DDX51: variants seen among roughly 807,000 people sequenced by gnomAD.
DDX51 encodes the protein DEAD-box helicase 51.
A neutral mutation model predicts 74.6 loss-of-function variants in DDX51; 67 were observed. The ratio of observed to expected loss-of-function variants is 0.90; its 90% confidence interval spans 0.74 to 1.10. The LOEUF (loss-of-function observed/expected upper bound fraction) is 1.10. DDX51 is among the 50% of genes least tolerant of loss of function. The pLI, the probability that DDX51 is intolerant of heterozygous loss-of-function variation, is 0.00. For synonymous variants in DDX51, 545 were observed against 402.9 expected (o/e 1.35, Z -4.22); for missense variants, 1,056 against 905.2 (o/e 1.17, Z -2.14).
rs371775722 is a variant in DDX51, at chr12:132,141,412, G to A, written c.1113C>T (p.Asp371=). The change falls in exon 8 of 15, where the codon GAC becomes GAT. Residue 371 remains aspartate (D), a synonymous_variant. Transcript: ENST00000397333. ...SLQQLRFLII[D]EADRMIDSMH... ...TGCTGTCAATCATCCGGTCAGCCTC[G>A]TCGATAATCTGCAGGAGACAGGGAG... 8.6e-5 allele frequency: 137 copies of A among 1,593,678 alleles called. No homozygotes were observed. Among genetic ancestry groups the A allele is most frequent in the Non-Finnish European group, 8.2e-5 (96 of 1,176,458 alleles).
rs1466159293 is a variant in DDX51 at position 132,139,315 on chromosome 12, A to G, written c.1975-17T>C. 4 of 1,606,268 alleles carry G rather than the reference A, an allele frequency of 2.5e-6. No individual in the cohort carries two copies. ...GCGCTCTTCCTGTGGAGGAAAGGGGAGGGCTCAGCACCACACACTCTGTCC... is the reference window on the plus strand; with the variant it reads ...GCGCTCTTCCTGTGGAGGAAAGGGGGGGGCTCAGCACCACACACTCTGTCC... On this transcript the variant is annotated splice_polypyrimidine_tract_variant and intron_variant, in intron 14 of 14. Transcript: ENST00000397333.
Position 132,142,136 on chromosome 12 carries a change from T to C in DDX51, c.871A>G (p.Lys291Glu). 2 of 1,545,510 alleles carry C rather than the reference T, an allele frequency of 1.3e-6. No individual in the cohort carries two copies. Among genetic ancestry groups the C allele is most frequent in the Non-Finnish European group, 1.7e-6 (2 of 1,145,854 alleles). The change falls in exon 5 of 15, where the codon AAG (lysine) becomes GAG (glutamate). Residue 291 changes from lysine to glutamate, a missense_variant. Transcript: ENST00000397333. ...HIRALVVLPT[K>E]ELAQQVSKVF... Reference sequence around the variant, plus strand: ...CCACATACCTGCTGGGCCAGCTCCTTGGTGGGCAGCACAACCAGGGCACGG... The same window carrying C: ...CCACATACCTGCTGGGCCAGCTCCTCGGTGGGCAGCACAACCAGGGCACGG...
At chr12:132,143,527 C>A in intron 2 of DDX51, 168 bp downstream of exon 2, 1 of 860,004 alleles carries the variant, frequency 1.2e-6, no homozygotes, top group Non-Finnish European at 1.7e-6. Flanking sequence ...GAGCTCTGCA[C>A]GTGCAGGATC....
chr12:132,143,868 T>C lies in DDX51; in HGVS notation c.346A>G (p.Ser116Gly). 6.5e-7 allele frequency: 1 copy of C among 1,530,036 alleles called. No homozygotes were observed. Among genetic ancestry groups the C allele is most frequent in the Non-Finnish European group, 8.7e-7 (1 of 1,146,354 alleles). 94.8% of individuals were successfully genotyped at this position (1,530,036 alleles called of 1,614,324 possible). A position where few individuals can be genotyped will look rare whatever the true frequency, so the allele number is the denominator to read the frequency against. The change falls in exon 2 of 15, where the codon AGC becomes GGC. Residue 116 changes from serine (S) to glycine (G), a missense_variant. By Grantham distance (56) the Ser-to-Gly change is moderately conservative. Transcript: ENST00000397333. ...CTGGGCTCCCCTGGCGCCTCCTCGC[T>C]GCTCCCTGCGCTGGGCTCCCCTGGC... The part of the protein sequence containing the change: ...EAPGEPSAGS[S>G]EEAPGEPSAG...
intron 3 of DDX51, 65 bp from the exon 4 acceptor site, chr12:132,142,487 C>T: frequency 6.4e-7 from 1 of 1,571,602 alleles, no homozygotes; most frequent in African/African-American, 1.3e-5. Flanking sequence ...CGCTTCCCTG[C>T]CTGTGACCTC....
At chr12:132,142,910 G>A (rs1248381683) in intron 2 of DDX51, 32 bp from the exon 3 acceptor site, 3 of 1,610,790 alleles carry the variant, frequency 1.9e-6, no homozygotes, top group Admixed American at 1.7e-5. Context: ...GGCCAGGTGA[G>A]CGCTTTCCAG....
At position 132,139,228 on chromosome 12, in the gene DDX51, C is replaced by T. The variant is rs1481954083; in HGVS notation, c.*44G>A. 1.3e-6 allele frequency: 2 copies of T among 1,599,756 alleles called. No homozygotes were observed. Among genetic ancestry groups the T allele is most frequent in the Non-Finnish European group, 1.7e-6 (2 of 1,175,580 alleles). Reference sequence around the variant, plus strand: ...ATCAGCACTGCTCTGGAAGGAGGGTCAGGGTGGTGAGCGTTCAGTCCCTCC... The same window carrying T: ...ATCAGCACTGCTCTGGAAGGAGGGTTAGGGTGGTGAGCGTTCAGTCCCTCC... On this transcript the variant is annotated 3_prime_UTR_variant, in exon 15 of 15. Coordinates refer to ENST00000397333, the MANE Select transcript of DDX51 (RefSeq NM_175066.4).
At position 132,139,940 on chromosome 12, in the gene DDX51, G is replaced by A. The variant is rs904028777; in HGVS notation, c.1776-16C>T. The A allele has an allele frequency of 1.2e-6, 2 of 1,612,834 alleles. No homozygotes were observed. The highest frequency in any genetic ancestry group is 1.7e-6 in the Non-Finnish European group (2 of 1,179,914). ...CCTCCCAACCCTGGAATCAAACGCA[G>A]CTATCTCCAGACTGGCCCCTGAGCC... On this transcript the variant is annotated splice_polypyrimidine_tract_variant and intron_variant, in intron 12 of 14. Coordinates refer to ENST00000397333, the MANE Select transcript of DDX51 (RefSeq NM_175066.4).
intron 6 of DDX51, 94 bp downstream of exon 6, chr12:132,141,756 G>T: frequency 6.7e-7 from 1 of 1,493,698 alleles, no homozygotes; most frequent in Non-Finnish European, 9.2e-7. Flanking sequence ...GGTGGTTAAA[G>T]ATGGTGGCCC....
At position 132,142,206 on chromosome 12, in the gene DDX51, C is replaced by T. The variant is rs369197788; in HGVS notation, c.817-16G>A. ...AAAGCAGGGCCTGAGGGGGAAGGAG[C>T]GCCTGCGTCAGCAAGGCTGTTACCT... On this transcript the variant is annotated splice_polypyrimidine_tract_variant and intron_variant, in intron 4 of 14. Transcript: ENST00000397333. 1.8e-5 allele frequency: 28 copies of T among 1,576,384 alleles called. No homozygotes were observed. The highest frequency in any genetic ancestry group is 1.5e-4 in the African/African-American group (11 of 73,952).
chr12:132,141,990 G>A (rs1593421145), intron 5 of DDX51, 34 bp from the exon 6 acceptor site: 1 of 1,609,888 alleles, frequency 6.2e-7, no homozygotes, highest in Non-Finnish European at 8.5e-7. Flanking sequence ...CCTGGAGGTA[G>A]CTGGTGTCCA....
intron 8 of DDX51, 127 bp downstream of exon 8, chr12:132,141,148 T>A: frequency 1.3e-6 from 2 of 1,495,692 alleles, no homozygotes; most frequent in Non-Finnish European, 1.8e-6. Flanking sequence ...CCAGCTCACG[T>A]GACAGTACGA....
chr12:132,141,779 C>T (rs990286020), intron 6 of DDX51, 71 bp downstream of exon 6: 68 of 1,552,536 alleles, frequency 4.4e-5, no homozygotes, highest in Non-Finnish European at 5.7e-5. Context: ...CCTCTGCTCC[C>T]ACGGTGCCTC....
rs774067276 is a variant in DDX51 at position 132,141,906 on chromosome 12, G to C, written c.939C>G (p.Ser313=). 2 of 1,613,222 alleles carry C rather than the reference G, an allele frequency of 1.2e-6. No homozygotes were observed. The highest frequency in any genetic ancestry group is 1.1e-5 in the South Asian group (1 of 91,092). Residue 313 remains serine, a synonymous_variant, in exon 6 of 15, where the codon TCC becomes TCG. Transcript: ENST00000397333. ...IYTDATPLRV[S]LVTGQKSLAK... ...CCAGAGACTTCTGTCCCGTAACCAG[G>C]GAGACTCTCAGAGGTGTGGCATCTG...
rs773185901 is a variant in DDX51, at chr12:132,142,368, A to G, written c.725T>C (p.Val242Ala). ...GCTAGGCCGGTAGCCACCTCTGCCC[A>G]CCAGAAACCCACAGGCTGCGCTCTC... Reference protein sequence around the residue: ...LLESAACGFLVGRGGYRPSDL... With the variant: ...LLESAACGFLAGRGGYRPSDL... Residue 242 changes from valine (V) to alanine (A), a missense_variant, in exon 4 of 15, where the codon GTG becomes GCG. Val to Ala is a moderately conservative substitution (Grantham distance 64). Transcript: ENST00000397333. 1.2e-6 allele frequency: 2 copies of G among 1,612,950 alleles called. No homozygotes were observed. Among genetic ancestry groups the G allele is most frequent in the Admixed American group, 3.3e-5 (2 of 60,018 alleles).
Position 132,144,279 on chromosome 12 carries a change from G to A in DDX51, c.18C>T (p.Val6=), listed in dbSNP as rs144500790. 2.4e-6 allele frequency: 3 copies of A among 1,256,270 alleles called. No individual in the cohort carries two copies. Among genetic ancestry groups the A allele is most frequent in the Non-Finnish European group, 2.0e-6 (2 of 1,001,202 alleles). 77.8% of individuals were successfully genotyped at this position (1,256,270 alleles called of 1,614,324 possible). A position where few individuals can be genotyped will look rare whatever the true frequency, so the allele number is the denominator to read the frequency against. ...CCGCATCGGGGCCCGGGTACCGCGC[G>A]ACGTAGAACAGCGCCATGGCCAGCC... is the stretch of plus-strand genomic sequence containing the variant. MALFY[V]ARYPGPDAAA... is the part of the protein sequence containing the mutation. Residue 6 remains valine, a synonymous_variant, in exon 1 of 15, where the codon GTC becomes GTT. Transcript: ENST00000397333.
In DDX51 at chr12:132,141,352, GGCC is replaced by G. The variant is rs767462106; in HGVS notation, c.1170_1172del (p.Ala392del). 5 of 1,598,454 alleles carry G rather than the reference GGCC, an allele frequency of 3.1e-6. No homozygotes were observed. The African/African-American group carries it at 6.7e-5, about 21-fold the overall frequency. Reference sequence around the variant, plus strand: ...CCGCGGGGTCCTCGCTCTGGAAGGCGGCCGCCACCACCCGCGGCAGCCAGGACT... The same window carrying G: ...CCGCGGGGTCCTCGCTCTGGAAGGCGGCCACCACCCGCGGCAGCCAGGACT... On this transcript the variant is annotated inframe_deletion, in exon 8 of 15. Transcript: ENST00000397333.
rs1897317818 is a variant in DDX51 at position 132,138,071 on chromosome 12, A to G, written c.*1201T>C. The G allele has an allele frequency of 6.6e-6, 1 of 152,160 alleles. No homozygotes were observed. The highest frequency in any genetic ancestry group is 2.1e-4 in the South Asian group (1 of 4,826). The allele number at this position is 152,160 out of a possible 1,614,324, so 9.4% of individuals were successfully genotyped here. On this transcript the variant is annotated 3_prime_UTR_variant, in exon 15 of 15. Coordinates refer to ENST00000397333, the MANE Select transcript of DDX51 (RefSeq NM_175066.4). Reference sequence around the variant, plus strand: ...CGTTTTATTCTCCATTCATCAGCTGACGGACATGTGGTTTCTAGTTTTTGG... The same window carrying G: ...CGTTTTATTCTCCATTCATCAGCTGGCGGACATGTGGTTTCTAGTTTTTGG...
Position 132,139,879 on chromosome 12 carries a change from T to G in DDX51, c.1821A>C (p.Thr607=). 2 of 1,613,158 alleles carry G rather than the reference T, an allele frequency of 1.2e-6. No homozygotes were observed. Among genetic ancestry groups the G allele is most frequent in the Non-Finnish European group, 1.7e-6 (2 of 1,179,992 alleles). Reference sequence around the variant, plus strand: ...GCCTCACCTGCACTTTCAGGAGCAGTGTGAAGGCCTGTCCAGTTTTCCCAG... The same window carrying G: ...GCCTCACCTGCACTTTCAGGAGCAGGGTGAAGGCCTGTCCAGTTTTCCCAG... The part of the protein sequence containing the change: ...ARAGKTGQAF[T]LLLKVQERRF... The change falls in exon 13 of 15, where the codon ACA becomes ACC. Residue 607 remains threonine (T), a synonymous_variant. Transcript: ENST00000397333.
Sources: gnomAD v4.1 joint callset for allele counts on GRCh38, gnomAD v4.1.1 for gene constraint, MANE v1.5 for transcripts, NCBI Gene and HGNC (gene_info 2026-07-23, HGNC 2026-07-21) for gene names.